UGT1A10: variants seen among roughly 807,000 people sequenced by gnomAD.
The protein encoded by UGT1A10 is UDP glucuronosyltransferase family 1 member A10.
In UGT1A10, 49 loss-of-function variants were observed where a neutral mutation model predicts 45.8. That is an observed-to-expected ratio of 1.07 (90% CI 0.85 to 1.36). The LOEUF is 1.36. Ranked by LOEUF, UGT1A10 falls within the 40% of genes most tolerant of loss-of-function variation. UGT1A10 has a pLI of 0.00. For missense variants in UGT1A10, 745 were observed against 668.6 expected (o/e 1.11, Z -1.26); for synonymous variants, 284 against 249.7 (o/e 1.14, Z -1.29).
At chr2:233,757,782 T>A (rs935250846) in intron 1 of UGT1A10, among the ~76,000 whole-genome samples, 4 of 151,680 alleles carry the variant, frequency 2.6e-5, no homozygotes, top group Admixed American at 6.6e-5. Context: ...AGCCTGTCAT[T>A]CTGATTTGAT....
At chr2:233,752,385 CAG>C (rs1206895244) in intron 1 of UGT1A10, 1 of 152,142 alleles carries the variant, frequency 6.6e-6, no homozygotes, top group Non-Finnish European at 1.5e-5. Flanking sequence ...ATCTTTGCAA[CAG>C]AGGAAATGCC....
At chr2:233,638,204 A>T (rs2073353363) in intron 1 of UGT1A10, among the ~76,000 whole-genome samples, 1 of 152,134 alleles carries the variant, frequency 6.6e-6, no homozygotes, top group African/African-American at 2.4e-5. Flanking sequence ...ATCTTGTTTT[A>T]TATACATAAA....
At chr2:233,763,812 C>A (rs1698404052) in intron 1 of UGT1A10, among the ~76,000 whole-genome samples, 1 of 152,104 alleles carries the variant, frequency 6.6e-6, no homozygotes, top group Non-Finnish European at 1.5e-5. Context: ...TCAAGAATTC[C>A]AAGATGTTCC....
At chr2:233,641,040 G>C (rs1330868621) in intron 1 of UGT1A10, among the ~76,000 whole-genome samples, 3 of 152,098 alleles carry the variant, frequency 2.0e-5, no homozygotes, top group African/African-American at 7.2e-5. Flanking sequence ...ATAGAAAAAT[G>C]CAAGTTATCT....
Position 233,757,535 on chromosome 2 carries a change from A to AATATATATATATATATATAT in UGT1A10, c.856-9492_856-9473dup, listed in dbSNP as rs67292694. Among the ~76,000 whole-genome samples the AATATATATATATATATATAT allele has an allele frequency of 6.1e-3, 541 of 88,064 alleles. 3 individuals are homozygous for AATATATATATATATATATAT. The highest frequency in any genetic ancestry group is 0.013 in the East Asian group (47 of 3,574). The allele number at this position is 88,064 out of a possible 152,430, so 57.8% of individuals were successfully genotyped here. On this transcript the variant is annotated intron_variant, in intron 1 of 4. Coordinates refer to ENST00000344644, the MANE Select transcript of UGT1A10 (RefSeq NM_019075.4). ...CAAAGCCAAAATCTTGCCTGTAAGG[A>AATATATATATATATATATAT]ATATATATATATATATATATATATA...
chr2:233,753,809 G>A (rs1297655785), intron 1 of UGT1A10, among the ~76,000 whole-genome samples: 1 of 152,202 alleles, frequency 6.6e-6, no homozygotes, highest in Non-Finnish European at 1.5e-5. Context: ...CATAGTTGGA[G>A]AACCACGTTA....
chr2:233,742,999 C>A, intron 1 of UGT1A10: 1 of 234,266 alleles, frequency 4.3e-6, no homozygotes, highest in Non-Finnish European at 8.5e-6. Context: ...AAATTGCATA[C>A]AGATATTTTA....
chr2:233,768,154 C>T (rs767452412), intron 3 of UGT1A10, 66 bp from the exon 4 acceptor site: 203 of 1,612,642 alleles, frequency 1.3e-4, no homozygotes, highest in Non-Finnish European at 1.7e-4. Flanking sequence ...TTTTCAGAAC[C>T]TAGATGTGTC....
intron 1 of UGT1A10, among the ~76,000 whole-genome samples, chr2:233,734,140 A>T (rs2078490993): frequency 1.3e-5 from 2 of 152,148 alleles, no homozygotes; most frequent in Admixed American, 1.3e-4. Context: ...TTTGGCTGTG[A>T]ATCCATCTGG....
Position 233,683,200 on chromosome 2 carries a change from T to C in UGT1A10, c.855+45823T>C, listed in dbSNP as rs45437594. 1.2e-3 allele frequency among the ~76,000 whole-genome samples: 183 copies of C among 152,314 alleles called. 7 individuals are homozygous for C. In the East Asian group the frequency reaches 0.027, roughly 22 times the overall value. On this transcript the variant is annotated intron_variant, in intron 1 of 4. Coordinates refer to ENST00000344644, the MANE Select transcript of UGT1A10 (RefSeq NM_019075.4). ...ATATGCATATATTTAGGGTAAATTG[T>C]CACTTCTATTTTATCAATATAAAAT...
At position 233,767,169 on chromosome 2, in the gene UGT1A10, A is replaced by G; in HGVS notation, c.987+4A>G. On this transcript the variant is annotated splice_donor_region_variant and intron_variant, in intron 2 of 4. Coordinates refer to ENST00000344644, the MANE Select transcript of UGT1A10 (RefSeq NM_019075.4). The stretch of plus-strand genomic sequence containing the variant: ...TTTGGGCAAAATCCCTCAGACAGTA[A>G]GAAGATTCTATACCATGGCCTCATA... 1.2e-6 allele frequency: 2 copies of G among 1,614,122 alleles called. No homozygotes were observed. The highest frequency in any genetic ancestry group is 1.7e-6 in the Non-Finnish European group (2 of 1,180,012).
intron 1 of UGT1A10, among the ~76,000 whole-genome samples, chr2:233,653,165 G>A (rs993660335): frequency 1.3e-5 from 2 of 152,108 alleles, no homozygotes; most frequent in South Asian, 2.1e-4. Flanking sequence ...TCCTACAAAT[G>A]TAATTCCAGA....
chr2:233,672,331 TTAG>T, intron 1 of UGT1A10: 1 of 1,614,142 alleles, frequency 6.2e-7, no homozygotes, highest in Non-Finnish European at 8.5e-7. Context: ...AGACAAAAAA[TTAG>T]TAGAATACTT....
At chr2:233,727,536 T>C (rs2077625396) in intron 1 of UGT1A10, among the ~76,000 whole-genome samples, 1 of 152,154 alleles carries the variant, frequency 6.6e-6, no homozygotes, top group East Asian at 1.9e-4. Context: ...ACCAGGCGTG[T>C]TCCACCCGTC....
At chr2:233,707,968 C>T (rs2075997413) in intron 1 of UGT1A10, among the ~76,000 whole-genome samples, 2 of 152,302 alleles carry the variant, frequency 1.3e-5, no homozygotes, top group Admixed American at 1.3e-4. Flanking sequence ...CCATTCAAGT[C>T]TATTGCCCAC....
At chr2:233,645,329 C>A (rs2073571586) in intron 1 of UGT1A10, among the ~76,000 whole-genome samples, 1 of 152,112 alleles carries the variant, frequency 6.6e-6, no homozygotes, top group South Asian at 2.1e-4. Flanking sequence ...GGGACACAGC[C>A]AAACCATATG....
rs373015529 is a variant in UGT1A10, at chr2:233,672,785, C to G, written c.855+35408C>G. On this transcript the variant is annotated intron_variant, in intron 1 of 4. Transcript: ENST00000344644. ...AACTGCCATCAGGGAAAGCCGTTGC[C>G]TATGGTAAGTTATCTCTCCTTTAGC... The G allele has an allele frequency of 3.3e-5, 53 of 1,613,138 alleles. No individual in the cohort carries two copies. In the African/African-American group the frequency reaches 6.1e-4, roughly 19 times the overall value.
chr2:233,772,287 T>C lies in UGT1A10; in HGVS notation c.1321T>C (p.Ser441Pro), dbSNP rs1575870013. 1 of 1,614,254 alleles carries C rather than the reference T, an allele frequency of 6.2e-7. No individual in the cohort carries two copies. ...TTACAAGGAGAACATCATGCGCCTC[T>C]CCAGCCTTCACAAGGACCGCCCGGT... ...KSYKENIMRL[S>P]SLHKDRPVEP... is the part of the protein sequence containing the mutation. The change falls in exon 5 of 5, where the codon TCC (serine) becomes CCC (proline). Residue 441 changes from serine (S) to proline (P), a missense_variant. Transcript: ENST00000344644.
chr2:233,651,936 T>C (rs1273288164), intron 1 of UGT1A10, among the ~76,000 whole-genome samples: 1 of 152,092 alleles, frequency 6.6e-6, no homozygotes, highest in African/African-American at 2.4e-5. Flanking sequence ...TGTAATTAAA[T>C]ACTTTAACCA....
Sources: gnomAD v4.1 joint callset for allele counts (sites outside exome capture counted in the v4.1 genomes callset) on GRCh38, gnomAD v4.1.1 for gene constraint, MANE v1.5 for transcripts, NCBI Gene and HGNC (gene_info 2026-07-23, HGNC 2026-07-21) for gene names.